Variants in GRK3 observed in about 807,000 individuals in gnomAD.
GRK3 encodes adrenergic, beta, receptor kinase 2.
GRK3 carries 54 observed loss-of-function variants against 95.7 expected under a neutral mutation model. The observed-to-expected ratio is 0.56, with a 90% CI of 0.45 to 0.71. GRK3 has a LOEUF of 0.71. Ranked by LOEUF, GRK3 falls within the 30% of genes least tolerant of loss-of-function variation. The pLI is 0.00. For synonymous variants in GRK3, 281 were observed against 290.8 expected (o/e 0.97, Z 0.34); for missense variants, 649 against 851.2 (o/e 0.76, Z 2.96).
intron 3 of GRK3, among the ~76,000 whole-genome samples, chr22:25,653,526 T>C (rs560322513): frequency 2.3e-4 from 35 of 152,310 alleles, no homozygotes; most frequent in African/African-American, 7.9e-4. Flanking sequence ...TTGGCAGATA[T>C]AAAATGACAA....
At chr22:25,600,674 A>T (rs1183234607) in intron 1 of GRK3, among the ~76,000 whole-genome samples, 3 of 152,202 alleles carry the variant, frequency 2.0e-5, no homozygotes, top group African/African-American at 7.2e-5. Context: ...CATTTTATAT[A>T]AGGGACTTGA....
chr22:25,622,105 C>A (rs2084590487), intron 2 of GRK3, among the ~76,000 whole-genome samples: 1 of 152,124 alleles, frequency 6.6e-6, no homozygotes, highest in South Asian at 2.1e-4. Flanking sequence ...AGAATGAAAT[C>A]AAAACTGACC....
chr22:25,664,130 G>A (rs1482508454), intron 5 of GRK3, among the ~76,000 whole-genome samples: 1 of 152,192 alleles, frequency 6.6e-6, no homozygotes, highest in African/African-American at 2.4e-5. Flanking sequence ...AGGAGCAAAT[G>A]TTTGAGTGAT....
rs770550412 is a variant in GRK3 at position 25,714,514 on chromosome 22, C to T, written c.1598C>T (p.Thr533Ile). 5 of 1,613,350 alleles carry T rather than the reference C, an allele frequency of 3.1e-6. No individual in the cohort carries two copies. In the Admixed American group the frequency reaches 8.3e-5, roughly 27 times the overall value. ...ETVYEAVNAD[T>I]DKIEARKRAK... ...GTTTATGAAGCAGTAAATGCAGACA[C>T]AGATAAAATCGAGGCCAGGAAGAGA... is the stretch of plus-strand genomic sequence containing the variant. Residue 533 changes from threonine to isoleucine, a missense_variant, in exon 18 of 21, where the codon ACA becomes ATA. Thr to Ile is a moderately conservative substitution (Grantham distance 89, BLOSUM62 -1). Coordinates refer to ENST00000324198, the MANE Select transcript of GRK3 (RefSeq NM_005160.4).
chr22:25,622,263 A>G (rs1281181836), intron 2 of GRK3, among the ~76,000 whole-genome samples: 1 of 152,206 alleles, frequency 6.6e-6, no homozygotes, highest in East Asian at 1.9e-4. Flanking sequence ...GTCGGTGTGC[A>G]GCAGGTCCTG....
At chr22:25,664,050 T>C (rs1295128982) in intron 5 of GRK3, among the ~76,000 whole-genome samples, 1 of 152,234 alleles carries the variant, frequency 6.6e-6, no homozygotes, top group Non-Finnish European at 1.5e-5. Context: ...AAGATTTATT[T>C]TGTAGTGCCA....
intron 10 of GRK3, among the ~76,000 whole-genome samples, chr22:25,687,146 GT>G (rs963168184): frequency 6.7e-6 from 1 of 148,516 alleles, no homozygotes; most frequent in East Asian, 2.0e-4. Flanking sequence ...TTGTTTTTTT[GT>G]TTTTTTTTGT....
chr22:25,695,188 C>G lies in GRK3; in HGVS notation c.1134C>G (p.Gly378=), dbSNP rs758506513. The change falls in exon 13 of 21, where the codon GGC becomes GGG. Residue 378 remains glycine, a synonymous_variant. Transcript: ENST00000324198. ...YDSSADWFSL[G]CMLFKLLRGH... The stretch of plus-strand genomic sequence containing the variant: ...GCAGTGCCGACTGGTTCTCCCTGGG[C>G]TGCATGCTTTTCAAACTTCTGAGAG... The G allele has an allele frequency of 1.2e-6, 2 of 1,614,116 alleles. No homozygotes were observed. The highest frequency in any genetic ancestry group is 1.7e-6 in the Non-Finnish European group (2 of 1,179,968).
At position 25,727,838 on chromosome 22, in the gene GRK3, A is replaced by G. The variant is rs1245599127; in HGVS notation, c.*5388A>G. 4.6e-5 allele frequency: 7 copies of G among 152,188 alleles called. No homozygotes were observed. The highest frequency in any genetic ancestry group is 1.0e-4 in the Non-Finnish European group (7 of 68,036). The allele number at this position is 152,188 out of a possible 1,614,324, so 9.4% of individuals were successfully genotyped here. ...AACTTGAAATTTACTTTCTTAGTTG[A>G]TTATATTAAATGATGTATATATTAT... On this transcript the variant is annotated 3_prime_UTR_variant, in exon 21 of 21. Coordinates refer to ENST00000324198, the MANE Select transcript of GRK3 (RefSeq NM_005160.4).
chr22:25,611,582 C>T (rs998963280), intron 2 of GRK3, among the ~76,000 whole-genome samples: 1 of 152,088 alleles, frequency 6.6e-6, no homozygotes, highest in Admixed American at 6.5e-5. Flanking sequence ...TGATATTAAA[C>T]ATGTTTGTGC....
intron 5 of GRK3, among the ~76,000 whole-genome samples, chr22:25,666,084 T>C (rs536190316): frequency 6.5e-4 from 99 of 152,304 alleles, no homozygotes; most frequent in Admixed American, 1.6e-3. Flanking sequence ...CTGCTCCTCA[T>C]CTCACTGTTG....
intron 5 of GRK3, among the ~76,000 whole-genome samples, chr22:25,665,666 G>A (rs2084936924): frequency 6.6e-6 from 1 of 151,982 alleles, no homozygotes; most frequent in African/African-American, 2.4e-5. Flanking sequence ...ATTAAAATAA[G>A]GAGTATATTA....
At chr22:25,625,504 C>G (rs2084620858) in intron 2 of GRK3, among the ~76,000 whole-genome samples, 2 of 152,168 alleles carry the variant, frequency 1.3e-5, no homozygotes, top group African/African-American at 4.8e-5. Flanking sequence ...GGTCTAGCGG[C>G]AGCGAAAAGT....
At chr22:25,618,191 G>A (rs546879547) in intron 2 of GRK3, among the ~76,000 whole-genome samples, 47 of 152,214 alleles carry the variant, frequency 3.1e-4, no homozygotes, top group Non-Finnish European at 2.5e-4. Flanking sequence ...GCTGCCACAG[G>A]CATTTCTGCA....
At chr22:25,639,649 G>A (rs979282171) in intron 2 of GRK3, among the ~76,000 whole-genome samples, 7 of 151,964 alleles carry the variant, frequency 4.6e-5, no homozygotes, top group Admixed American at 4.6e-4. Flanking sequence ...GGTATTCTAG[G>A]TTTTTTGCAT....
At chr22:25,678,728 C>A in intron 8 of GRK3, 88 bp from the exon 9 acceptor site, 1 of 692,586 alleles carries the variant, frequency 1.4e-6, no homozygotes, top group Non-Finnish European at 2.3e-6. Context: ...CCTAAATGTT[C>A]AGAAACTTGC....
rs561642055 is a variant in GRK3, at chr22:25,715,679, A to G, written c.1654+1109A>G. Among the ~76,000 whole-genome samples the G allele has an allele frequency of 7.2e-5, 11 of 152,340 alleles. No homozygotes were observed. The South Asian group carries it at 8.3e-4, about 11-fold the overall frequency. Reference sequence around the variant, plus strand: ...TCATGAATTGTGGATAATTAAATTTATTGTAGTCGATGATTATGTTAAGAT... The same window carrying G: ...TCATGAATTGTGGATAATTAAATTTGTTGTAGTCGATGATTATGTTAAGAT... On this transcript the variant is annotated intron_variant, in intron 18 of 20. Transcript: ENST00000324198.
Position 25,678,872 on chromosome 22 carries a change from T to C in GRK3, c.704T>C (p.Leu235Ser). Residue 235 changes from leucine (L) to serine (S), a missense_variant, in exon 9 of 21, where the codon TTA becomes TCA. By Grantham distance (145) the Leu-to-Ser change is moderately radical. Transcript: ENST00000324198. Reference protein sequence around the residue: ...KRIKMKQGETLALNERIMLSL... With the variant: ...KRIKMKQGETSALNERIMLSL... The stretch of plus-strand genomic sequence containing the variant: ...ATCAAAATGAAACAAGGAGAAACAT[T>C]AGCCTTAAATGAAAGAATCATGTTG... The C allele has an allele frequency of 1.9e-6, 3 of 1,608,868 alleles. No individual in the cohort carries two copies. Among genetic ancestry groups the C allele is most frequent in the Non-Finnish European group, 2.5e-6 (3 of 1,176,780 alleles).
At chr22:25,579,839 TCCCC>T (rs1932039635) in intron 1 of GRK3, among the ~76,000 whole-genome samples, 1 of 151,774 alleles carries the variant, frequency 6.6e-6, no homozygotes, top group Non-Finnish European at 1.5e-5. Context: ...TTTAAAAAAA[TCCCC>T]ATTTTGCAAT....
Sources: gnomAD v4.1 joint callset for allele counts (sites outside exome capture counted in the v4.1 genomes callset) on GRCh38, gnomAD v4.1.1 for gene constraint, MANE v1.5 for transcripts, NCBI Gene and HGNC (gene_info 2026-07-23, HGNC 2026-07-21) for gene names.